Variants in GRM7 observed in about 807,000 individuals in gnomAD.
GRM7 encodes glutamate metabotropic receptor 7.
A neutral mutation model predicts 84.5 loss-of-function variants in GRM7; 35 were observed. That is an observed-to-expected ratio of 0.41 (90% CI 0.32 to 0.55). The LOEUF (loss-of-function observed/expected upper bound fraction) is 0.55. Ranked by LOEUF, GRM7 falls within the 20% of genes least tolerant of loss-of-function variation. The probability of loss-of-function intolerance (pLI) is 0.19; values close to 1 mark genes in which losing one functional copy is unlikely to be tolerated. For synonymous variants in GRM7, 487 were observed against 455.1 expected, an observed-to-expected ratio of 1.07 and a Z score of -0.89; for missense variants, 1,003 against 1,194.6, an observed-to-expected ratio of 0.84 and a Z score of 2.36.
At chr3:7,083,829 C>G (rs942470751) in intron 1 of GRM7, among the ~76,000 whole-genome samples, 4 of 152,058 alleles carry the variant, frequency 2.6e-5, no homozygotes, top group Non-Finnish European at 4.4e-5. Flanking sequence ...GATGAGGTGT[C>G]ACTTGAGCAT....
At chr3:7,616,568 C>T (rs747871601) in intron 8 of GRM7, among the ~76,000 whole-genome samples, 1 of 152,122 alleles carries the variant, frequency 6.6e-6, no homozygotes, top group Non-Finnish European at 1.5e-5. Flanking sequence ...CTACAACCCT[C>T]AAGTGTTTGT....
intron 9 of GRM7, among the ~76,000 whole-genome samples, chr3:7,685,953 C>T (rs1700566964): frequency 1.3e-5 from 2 of 152,070 alleles, no homozygotes; most frequent in Admixed American, 1.3e-4. Flanking sequence ...TGTTTGGATC[C>T]CTAACATTCT....
At chr3:7,737,674 T>G (rs1448033036) in intron 9 of GRM7, among the ~76,000 whole-genome samples, 1 of 152,164 alleles carries the variant, frequency 6.6e-6, no homozygotes, top group Non-Finnish European at 1.5e-5. Flanking sequence ...ATTATAATTT[T>G]GGGGCAATGT....
chr3:7,032,589 G>T (rs976887052), intron 1 of GRM7, among the ~76,000 whole-genome samples: 10 of 152,212 alleles, frequency 6.6e-5, no homozygotes, highest in African/African-American at 2.4e-4. Context: ...ATTTCCCAGG[G>T]CGTTTTTTTC....
intron 4 of GRM7, among the ~76,000 whole-genome samples, chr3:7,360,292 T>A (rs1198641113): frequency 1.4e-5 from 2 of 147,708 alleles, no homozygotes; most frequent in East Asian, 3.9e-4. Flanking sequence ...TGCAGAAAAT[T>A]GAAATCTATG....
At chr3:7,141,010 CTTAAT>C (rs1693928235) in intron 1 of GRM7, among the ~76,000 whole-genome samples, 1 of 151,914 alleles carries the variant, frequency 6.6e-6, no homozygotes, top group Non-Finnish European at 1.5e-5. Flanking sequence ...AGATAAGCTT[CTTAAT>C]TTAACTATAT....
At chr3:7,410,175 A>C (rs1695864346) in intron 4 of GRM7, among the ~76,000 whole-genome samples, 1 of 152,140 alleles carries the variant, frequency 6.6e-6, no homozygotes, top group Non-Finnish European at 1.5e-5. Context: ...TTTTGTGAAC[A>C]CATGGAGTTG....
chr3:7,543,209 A>G (rs1692980182), intron 7 of GRM7, among the ~76,000 whole-genome samples: 1 of 152,096 alleles, frequency 6.6e-6, no homozygotes, highest in African/African-American at 2.4e-5. Flanking sequence ...AAATTTTACC[A>G]CTTACTGTGT....
chr3:7,308,692 CTG>C (rs904154914), intron 4 of GRM7, among the ~76,000 whole-genome samples: 3 of 152,090 alleles, frequency 2.0e-5, no homozygotes, highest in Non-Finnish European at 2.9e-5. Context: ...ACTCAGGTGA[CTG>C]TAAGGAGGGG....
intron 2 of GRM7, among the ~76,000 whole-genome samples, chr3:7,185,250 C>T (rs1695475861): frequency 6.6e-6 from 1 of 152,180 alleles, no homozygotes; most frequent in South Asian, 2.1e-4. Flanking sequence ...GACCTCAACA[C>T]CTTCACAGGG....
chr3:7,493,408 T>G (rs1699593511), intron 7 of GRM7, among the ~76,000 whole-genome samples: 1 of 151,962 alleles, frequency 6.6e-6, no homozygotes, highest in South Asian at 2.1e-4. Context: ...TTTTTTTTTC[T>G]CATTATTGTA....
At chr3:7,367,582 A>G (rs965547670) in intron 4 of GRM7, among the ~76,000 whole-genome samples, 1 of 151,950 alleles carries the variant, frequency 6.6e-6, no homozygotes, top group Non-Finnish European at 1.5e-5. Context: ...GAACTGCTGT[A>G]GGAGAATAAA....
At chr3:7,557,328 A>T (rs952543968) in intron 7 of GRM7, among the ~76,000 whole-genome samples, 6 of 152,208 alleles carry the variant, frequency 3.9e-5, no homozygotes, top group Non-Finnish European at 8.8e-5. Context: ...AATAGACTCT[A>T]AAATTCTGAT....
At chr3:7,202,859 C>T (rs1290771887) in intron 2 of GRM7, among the ~76,000 whole-genome samples, 1 of 152,166 alleles carries the variant, frequency 6.6e-6, no homozygotes, top group African/African-American at 2.4e-5. Flanking sequence ...CTTTGAGCTA[C>T]AATTGTCTAA....
At position 7,122,090 on chromosome 3, in the gene GRM7, C is replaced by A. The variant is rs899570268; in HGVS notation, c.520-24362C>A. Among the ~76,000 whole-genome samples the A allele has an allele frequency of 1.3e-4, 20 of 152,268 alleles. No individual in the cohort carries two copies. The South Asian group carries it at 3.3e-3, about 25-fold the overall frequency. ...CAAAACTAAGGACCAAATAAAATCT[C>A]TTTTCTTTATAAATTACCCAGTCTG... On this transcript the variant is annotated intron_variant, in intron 1 of 9. Transcript: ENST00000357716.
At chr3:6,950,441 C>T (rs548494592) in intron 1 of GRM7, among the ~76,000 whole-genome samples, 104 of 152,290 alleles carry the variant, frequency 6.8e-4, no homozygotes, top group Non-Finnish European at 1.2e-3. Context: ...GAGTACCCGG[C>T]CGTGTGAGGT....
At chr3:7,317,907 G>T (rs1700639328) in intron 4 of GRM7, among the ~76,000 whole-genome samples, 1 of 151,942 alleles carries the variant, frequency 6.6e-6, no homozygotes, top group Non-Finnish European at 1.5e-5. Context: ...ACAAATTTAA[G>T]ATCTTGAAAT....
At chr3:7,690,997 T>C in intron 9 of GRM7, 1 of 361,380 alleles carries the variant, frequency 2.8e-6, no homozygotes, top group Non-Finnish European at 5.4e-6. Context: ...GTGACCCTTG[T>C]GACTCGTTTC....
At chr3:7,667,280 A>AG (rs1553634442) in intron 8 of GRM7, among the ~76,000 whole-genome samples, 6 of 148,908 alleles carry the variant, frequency 4.0e-5, no homozygotes, top group East Asian at 3.9e-4. Context: ...AAAAAAAAAA[A>AG]AGAGAGAGAG....
Sources: gnomAD v4.1 joint callset for allele counts (sites outside exome capture counted in the v4.1 genomes callset) on GRCh38, gnomAD v4.1.1 for gene constraint, MANE v1.5 for transcripts, NCBI Gene and HGNC (gene_info 2026-07-23, HGNC 2026-07-21) for gene names.